The following OPN4 variants were observed in gnomAD, a reference collection of about 807,000 sequenced individuals.
OPN4 encodes opsin 4.
In OPN4, 43 loss-of-function variants were observed where a neutral mutation model predicts 49.5. The observed-to-expected ratio is 0.87, with a 90% CI of 0.68 to 1.12. The LOEUF (loss-of-function observed/expected upper bound fraction) is 1.12. Ranked by LOEUF, OPN4 falls within the 50% of genes most tolerant of loss-of-function variation. OPN4 has a pLI of 0.00. For synonymous variants in OPN4, 263 were observed against 258.0 expected, an observed-to-expected ratio of 1.02 and a Z score of -0.19; for missense variants, 657 against 643.9, an observed-to-expected ratio of 1.02 and a Z score of -0.22.
intron 9 of OPN4, among the ~76,000 whole-genome samples, chr10:86,664,331 G>A (rs975073828): frequency 1.3e-5 from 2 of 152,206 alleles, no homozygotes; most frequent in Admixed American, 6.5e-5. Flanking sequence ...ACATACCTGG[G>A]GAGGAAGGGG....
At chr10:86,662,597 AGTT>A (rs1251047632) in intron 8 of OPN4, among the ~76,000 whole-genome samples, 165 bp downstream of exon 8, 3 of 152,192 alleles carry the variant, frequency 2.0e-5, no homozygotes, top group African/African-American at 7.2e-5. Context: ...ACCCCCATGA[AGTT>A]CGTAATCCTC....
intron 6 of OPN4, among the ~76,000 whole-genome samples, chr10:86,660,690 T>TG (rs1285286250): frequency 2.6e-5 from 4 of 151,952 alleles, no homozygotes; most frequent in Admixed American, 2.0e-4. Context: ...CCAGAGTCAA[T>TG]GGGGGGAAGT....
rs1844158637 is a variant in OPN4, at chr10:86,665,826, G to C, written c.*75G>C. ...GTCTCCCTCATATACACAGACCCAG[G>C]ATTATGCTGTGAGCCTGCAGGCTTT... On this transcript the variant is annotated 3_prime_UTR_variant, in exon 10 of 10. Transcript: ENST00000241891. The C allele has an allele frequency of 1.7e-6, 2 of 1,194,478 alleles. No homozygotes were observed. The highest frequency in any genetic ancestry group is 2.5e-5 in the South Asian group (2 of 78,490). 74.0% of individuals were successfully genotyped at this position (1,194,478 alleles called of 1,614,324 possible). A position where few individuals can be genotyped will look rare whatever the true frequency, so the allele number is the denominator to read the frequency against.
intron 9 of OPN4, 121 bp downstream of exon 9, chr10:86,663,923 A>G (rs1228962822): frequency 4.9e-6 from 6 of 1,220,258 alleles, no homozygotes; most frequent in Non-Finnish European, 6.7e-6. Flanking sequence ...TCCAGGAATC[A>G]CCTGCTCCCA....
chr10:86,658,667 T>C lies in OPN4; in HGVS notation c.608T>C (p.Leu203Pro). 3 of 1,613,170 alleles carry C rather than the reference T, an allele frequency of 1.9e-6. No homozygotes were observed. The highest frequency in any genetic ancestry group is 2.5e-6 in the Non-Finnish European group (3 of 1,180,032). Reference sequence around the variant, plus strand: ...TGGCTCTATGCCCTGGCCTGGAGTCTGCCACCCTTCTTCGGCTGGAGTAAG... The same window carrying C: ...TGGCTCTATGCCCTGGCCTGGAGTCCGCCACCCTTCTTCGGCTGGAGTAAG... ...GVWLYALAWSLPPFFGWSAYV... is the reference protein window; with the variant it reads ...GVWLYALAWSPPPFFGWSAYV... Residue 203 changes from leucine (L) to proline (P), a missense_variant, in exon 4 of 10, where the codon CTG (leucine) becomes CCG (proline). Leu to Pro is a moderately conservative substitution (Grantham distance 98). Transcript: ENST00000241891.
In OPN4 at chr10:86,658,413, A is replaced by G. The variant is rs112239106; in HGVS notation, c.425-71A>G. ...CAGTCCTGCTCTTCCTGTGAGGTGA[A>G]GGCCAGAGCAGAGTCTACCCTGTCC... On this transcript the variant is annotated intron_variant, in intron 3 of 9. Coordinates refer to ENST00000241891, the MANE Select transcript of OPN4 (RefSeq NM_033282.4). 155 of 1,516,480 alleles carry G rather than the reference A, an allele frequency of 1.0e-4. 1 individual carries two copies. In the African/African-American group the frequency reaches 1.2e-3, roughly 12 times the overall value. 93.9% of individuals were successfully genotyped at this position (1,516,480 alleles called of 1,614,324 possible).
At chr10:86,665,655 G>A in intron 9 of OPN4, 58 bp from the exon 10 acceptor site, 3 of 1,481,388 alleles carry the variant, frequency 2.0e-6, no homozygotes, top group Non-Finnish European at 2.8e-6. Flanking sequence ...GGGTCATCGG[G>A]AGACTGCCCC....
rs1844075058 is a variant in OPN4, at chr10:86,663,733, G to A, written c.1329G>A (p.Gln443=). 1 of 1,577,988 alleles carries A rather than the reference G, an allele frequency of 6.3e-7. No homozygotes were observed. Among genetic ancestry groups the A allele is most frequent in the Admixed American group, 1.8e-5 (1 of 54,904 alleles). ...QQANGRSLYG[Q]GLEDLEAKAP... is the part of the protein sequence containing the mutation. ...CAAATGGGCGGTCCCTCTACGGTCAGGGTCTGGAGGACTTGGAAGCCAAGG... is the reference window on the plus strand; with the variant it reads ...CAAATGGGCGGTCCCTCTACGGTCAAGGTCTGGAGGACTTGGAAGCCAAGG... The change falls in exon 9 of 10, where the codon CAG becomes CAA. Residue 443 remains glutamine, a synonymous_variant. Coordinates refer to ENST00000241891, the MANE Select transcript of OPN4 (RefSeq NM_033282.4).
At chr10:86,663,451 C>G (rs984146859) in intron 8 of OPN4, among the ~76,000 whole-genome samples, 3 of 152,200 alleles carry the variant, frequency 2.0e-5, no homozygotes, top group Non-Finnish European at 4.4e-5. Flanking sequence ...AGATGGGGAG[C>G]AAACCTGCAC....
chr10:86,662,420 G>C lies in OPN4; in HGVS notation c.1242G>C (p.Ser414=). Residue 414 remains serine (S), a synonymous_variant, in exon 8 of 10, where the codon TCG becomes TCC. Transcript: ENST00000241891. Reference sequence around the variant, plus strand: ...GGAGGCGCCAGGAGTCCCTGGGCTCGGAGAGTGAGGTGGTAAGGATGCTGG... The same window carrying C: ...GGAGGCGCCAGGAGTCCCTGGGCTCCGAGAGTGAGGTGGTAAGGATGCTGG... ...SIRRRQESLG[S]ESEVGWTHME... 1 of 1,550,156 alleles carries C rather than the reference G, an allele frequency of 6.5e-7. No individual in the cohort carries two copies. Among genetic ancestry groups the C allele is most frequent in the African/African-American group, 1.4e-5 (1 of 73,418 alleles).
At position 86,662,410 on chromosome 10, in the gene OPN4, C is replaced by A; in HGVS notation, c.1232C>A (p.Ser411Tyr). ...SWISIRRRQE[S>Y]LGSESEVGWT... Reference sequence around the variant, plus strand: ...ATCTCCATACGGAGGCGCCAGGAGTCCCTGGGCTCGGAGAGTGAGGTGGTA... The same window carrying A: ...ATCTCCATACGGAGGCGCCAGGAGTACCTGGGCTCGGAGAGTGAGGTGGTA... The change falls in exon 8 of 10, where the codon TCC (serine) becomes TAC (tyrosine). Residue 411 changes from serine (S) to tyrosine (Y), a missense_variant. Transcript: ENST00000241891. 1.9e-6 allele frequency: 3 copies of A among 1,555,458 alleles called. No homozygotes were observed. The highest frequency in any genetic ancestry group is 2.6e-6 in the Non-Finnish European group (3 of 1,151,270).
In OPN4 at chr10:86,666,410, A is replaced by G. The variant is rs1419299564; in HGVS notation, c.*659A>G. On this transcript the variant is annotated 3_prime_UTR_variant, in exon 10 of 10. Transcript: ENST00000241891. ...CTAAGCTCCTCCCAGGGCTGTGTGGATCTGACAGGGTATAGGAAAATAAAA... is the reference window on the plus strand; with the variant it reads ...CTAAGCTCCTCCCAGGGCTGTGTGGGTCTGACAGGGTATAGGAAAATAAAA... 1 of 221,200 alleles carries G rather than the reference A, an allele frequency of 4.5e-6. No homozygotes were observed. The highest frequency in any genetic ancestry group is 9.2e-6 in the Non-Finnish European group (1 of 108,302). 13.7% of individuals were successfully genotyped at this position (221,200 alleles called of 1,614,324 possible). A position where few individuals can be genotyped will look rare whatever the true frequency, so the allele number is the denominator to read the frequency against.
At chr10:86,663,075 G>T (rs1844053860) in intron 8 of OPN4, among the ~76,000 whole-genome samples, 2 of 152,208 alleles carry the variant, frequency 1.3e-5, no homozygotes, top group Non-Finnish European at 2.9e-5. Flanking sequence ...CCAGGGATGG[G>T]TGTCAGCCCT....
At position 86,654,938 on chromosome 10, in the gene OPN4, G is replaced by C; in HGVS notation, c.144+11G>C. 1 of 1,612,996 alleles carries C rather than the reference G, an allele frequency of 6.2e-7. No homozygotes were observed. The highest frequency in any genetic ancestry group is 8.5e-7 in the Non-Finnish European group (1 of 1,179,500). Reference sequence around the variant, plus strand: ...TCCATCAGTCCCACAGTAAGCCTGGGCGAGCATGTGCATGCACAGAGCCTT... The same window carrying C: ...TCCATCAGTCCCACAGTAAGCCTGGCCGAGCATGTGCATGCACAGAGCCTT... On this transcript the variant is annotated intron_variant, in intron 1 of 9. Coordinates refer to ENST00000241891, the MANE Select transcript of OPN4 (RefSeq NM_033282.4).
rs2132299264 is a variant in OPN4 at position 86,656,304 on chromosome 10, C to T, written c.290+4C>T. The T allele has an allele frequency of 6.3e-7, 1 of 1,591,466 alleles. No homozygotes were observed. Among genetic ancestry groups the T allele is most frequent in the Non-Finnish European group, 8.6e-7 (1 of 1,167,046 alleles). On this transcript the variant is annotated splice_donor_region_variant and intron_variant, in intron 2 of 9. Coordinates refer to ENST00000241891, the MANE Select transcript of OPN4 (RefSeq NM_033282.4). ...CGGTCATCTATACCTTCTGCAGGTG[C>T]CTGGTTGGTGGTGCTGGGCCCAGGG...
Position 86,659,362 on chromosome 10 carries a change from G to T in OPN4, c.694G>T (p.Val232Leu), listed in dbSNP as rs143017128. 6.2e-6 allele frequency: 10 copies of T among 1,613,944 alleles called. No homozygotes were observed. The highest frequency in any genetic ancestry group is 8.5e-6 in the Non-Finnish European group (10 of 1,180,020). Residue 232 changes from valine (V) to leucine (L), a missense_variant, in exon 5 of 10, where the codon GTG becomes TTG. Coordinates refer to ENST00000241891, the MANE Select transcript of OPN4 (RefSeq NM_033282.4). ...GGACTACATGAGCTTCACGCCGGCC[G>T]TGCGTGCCTACACCATGCTTCTCTG... Reference protein sequence around the residue: ...SWDYMSFTPAVRAYTMLLCCF... With the variant: ...SWDYMSFTPALRAYTMLLCCF...
At chr10:86,657,033 T>A (rs780174312) in intron 2 of OPN4, among the ~76,000 whole-genome samples, 1 of 144,462 alleles carries the variant, frequency 6.9e-6, no homozygotes, top group Non-Finnish European at 1.5e-5. Flanking sequence ...CCAGTGTCCC[T>A]CTCCATCTGC....
chr10:86,659,615 G>A, intron 5 of OPN4, 147 bp downstream of exon 5: 1 of 1,188,620 alleles, frequency 8.4e-7, no homozygotes, highest in South Asian at 1.6e-5. Flanking sequence ...TGGGGCAGCA[G>A]TGTCTAGGGG....
chr10:86,664,571 C>T (rs1375896649), intron 9 of OPN4, among the ~76,000 whole-genome samples: 2 of 152,186 alleles, frequency 1.3e-5, no homozygotes, highest in African/African-American at 4.8e-5. Flanking sequence ...CCTGTCACAC[C>T]CACACAACAC....
Sources: gnomAD v4.1 joint callset for allele counts (sites outside exome capture counted in the v4.1 genomes callset) on GRCh38, gnomAD v4.1.1 for gene constraint, MANE v1.5 for transcripts, NCBI Gene and HGNC (gene_info 2026-07-23, HGNC 2026-07-21) for gene names.